Variants in UNC5C observed in about 807,000 individuals in gnomAD.
The protein encoded by UNC5C is netrin receptor UNC5C.
In UNC5C, 47 loss-of-function variants were observed where a neutral mutation model predicts 99.8. The ratio of observed to expected loss-of-function variants is 0.47; its 90% CI spans 0.37 to 0.60. The LOEUF is 0.60. Ranked by LOEUF, UNC5C falls within the 20% of genes least tolerant of loss-of-function variation. The pLI is 0.00. For synonymous variants in UNC5C, 487 were observed against 452.2 expected, an observed-to-expected ratio of 1.08 and a Z score of -0.98; for missense variants, 1,062 against 1,165.9, an observed-to-expected ratio of 0.91 and a Z score of 1.30.
chr4:95,199,606 T>A (rs1454925333), intron 12 of UNC5C, among the ~76,000 whole-genome samples: 1 of 152,228 alleles, frequency 6.6e-6, no homozygotes, highest in Non-Finnish European at 1.5e-5. Flanking sequence ...TCACTAATTA[T>A]AATAATCAGA....
chr4:95,468,951 C>T (rs1747882732), intron 1 of UNC5C, among the ~76,000 whole-genome samples: 2 of 152,144 alleles, frequency 1.3e-5, no homozygotes, highest in African/African-American at 2.4e-5. Flanking sequence ...GTTCTCTTTG[C>T]TCAGGCATTA....
At chr4:95,373,644 G>GT (rs1744809315) in intron 1 of UNC5C, among the ~76,000 whole-genome samples, 1 of 152,170 alleles carries the variant, frequency 6.6e-6, no homozygotes, top group Non-Finnish European at 1.5e-5. Flanking sequence ...CACTAGCACA[G>GT]CAACTGGCAC....
rs558341250 is a variant in UNC5C, at chr4:95,489,352, T to C, written c.124+59382A>G. On this transcript the variant is annotated intron_variant, in intron 1 of 15. Coordinates refer to ENST00000453304, the MANE Select transcript of UNC5C (RefSeq NM_003728.4). ...AATTAAGGCCAGTGGAACTCAGTGA[T>C]AGTGATTGCGGCAGAAGATGTGACC... Among the ~76,000 whole-genome samples the C allele has an allele frequency of 1.5e-4, 22 of 151,548 alleles. No homozygotes were observed. In the South Asian group the frequency reaches 4.0e-3, roughly 27 times the overall value.
intron 12 of UNC5C, among the ~76,000 whole-genome samples, chr4:95,191,285 T>C (rs1429303264): frequency 6.6e-6 from 1 of 152,182 alleles, no homozygotes; most frequent in East Asian, 1.9e-4. Flanking sequence ...TGGGCAAATT[T>C]CCATTAAGTA....
At chr4:95,348,425 A>G (rs779030648) in intron 1 of UNC5C, among the ~76,000 whole-genome samples, 1 of 151,608 alleles carries the variant, frequency 6.6e-6, no homozygotes, top group Non-Finnish European at 1.5e-5. Flanking sequence ...TACCCAAAAG[A>G]AAGGAAATCA....
intron 4 of UNC5C, among the ~76,000 whole-genome samples, chr4:95,274,378 C>T (rs931129846): frequency 2.0e-5 from 3 of 152,074 alleles, no homozygotes; most frequent in Admixed American, 2.0e-4. Flanking sequence ...AGTCTGCTCT[C>T]GTGCTAAGGA....
chr4:95,214,262 G>A (rs562990038), intron 10 of UNC5C, among the ~76,000 whole-genome samples: 14 of 152,244 alleles, frequency 9.2e-5, no homozygotes, highest in Admixed American at 8.5e-4. Flanking sequence ...TTTGTTTCTT[G>A]GTTCATGGTC....
chr4:95,535,354 G>A (rs1722747330), intron 1 of UNC5C, among the ~76,000 whole-genome samples: 2 of 152,076 alleles, frequency 1.3e-5, no homozygotes, highest in Admixed American at 6.6e-5. Flanking sequence ...TAACCCTAAT[G>A]GAATGCAATT....
chr4:95,213,352 A>G (rs1305559415), intron 10 of UNC5C, among the ~76,000 whole-genome samples: 2 of 152,222 alleles, frequency 1.3e-5, no homozygotes, highest in African/African-American at 4.8e-5. Flanking sequence ...AGCAGCATTA[A>G]TTGTGGAAAT....
Position 95,185,101 on chromosome 4 carries a change from T to C in UNC5C, c.2232A>G (p.Ser744=), listed in dbSNP as rs995262858. 1 of 1,614,010 alleles carries C rather than the reference T, an allele frequency of 6.2e-7. No individual in the cohort carries two copies. The highest frequency in any genetic ancestry group is 1.3e-5 in the African/African-American group (1 of 75,042). ...AGAGGGAATGGGCGATATCGTGAAT[T>C]GACAGGCGCAGGTTGTGGGTGCTGC... is the stretch of plus-strand genomic sequence containing the variant. The part of the protein sequence containing the change: ...FKGSTHNLRL[S]IHDIAHSLWK... Residue 744 remains serine, a synonymous_variant, in exon 13 of 16, where the codon TCA becomes TCG. Coordinates refer to ENST00000453304, the MANE Select transcript of UNC5C (RefSeq NM_003728.4).
chr4:95,439,234 TA>T (rs1272322536), intron 1 of UNC5C, among the ~76,000 whole-genome samples: 1 of 152,082 alleles, frequency 6.6e-6, no homozygotes, highest in Non-Finnish European at 1.5e-5. Flanking sequence ...AGATAAATAA[TA>T]AAACATCTCA....
At chr4:95,194,946 A>G (rs1737318548) in intron 12 of UNC5C, among the ~76,000 whole-genome samples, 1 of 152,164 alleles carries the variant, frequency 6.6e-6, no homozygotes, top group African/African-American at 2.4e-5. Flanking sequence ...TCATCAGAAG[A>G]TGATAAAAAT....
chr4:95,545,901 C>T, intron 1 of UNC5C, among the ~76,000 whole-genome samples: 1 of 152,142 alleles, frequency 6.6e-6, no homozygotes, highest in South Asian at 2.1e-4. Flanking sequence ...AGGGCATAGC[C>T]AGAAAGGAGA....
At chr4:95,546,824 T>G (rs1334058543) in intron 1 of UNC5C, among the ~76,000 whole-genome samples, 1 of 152,188 alleles carries the variant, frequency 6.6e-6, no homozygotes, top group East Asian at 1.9e-4. Flanking sequence ...CCCAGTCTTT[T>G]TAATTTGGTT....
intron 1 of UNC5C, among the ~76,000 whole-genome samples, chr4:95,341,207 ATTAT>A (rs10574919): frequency 0.17 from 26,551 of 152,038 alleles, 2,463 homozygotes; most frequent in African/African-American, 0.21. Context: ...CCACTGCAGC[ATTAT>A]TTGTCTAAAG....
chr4:95,206,694 G>C lies in UNC5C; in HGVS notation c.1836C>G (p.Cys612Trp). 1 of 1,614,102 alleles carries C rather than the reference G, an allele frequency of 6.2e-7. No individual in the cohort carries two copies. The highest frequency in any genetic ancestry group is 8.5e-7 in the Non-Finnish European group (1 of 1,180,024). Residue 612 changes from cysteine to tryptophan, a missense_variant, in exon 11 of 16, where the codon TGC (cysteine) becomes TGG (tryptophan). Physicochemically the swap from Cys to Trp is radical, Grantham distance 215. This residue lies in a region of UNC5C where 810 missense variants were observed against 854.5 expected (regional missense o/e 0.95). Transcript: ENST00000453304. ...TRPVVLTMHH[C>W]ADPNTEDWKI... Reference sequence around the variant, plus strand: ...TCCAGTCCTCGGTATTGGGGTCTGCGCAGTGATGCATAGTGAGGACGACTG... The same window carrying C: ...TCCAGTCCTCGGTATTGGGGTCTGCCCAGTGATGCATAGTGAGGACGACTG...
At chr4:95,225,537 A>G (rs1197105185) in intron 7 of UNC5C, among the ~76,000 whole-genome samples, 1 of 152,226 alleles carries the variant, frequency 6.6e-6, no homozygotes, top group African/African-American at 2.4e-5. Context: ...GGTGTATAAT[A>G]TAACTGATGA....
At chr4:95,481,181 G>A (rs1342959017) in intron 1 of UNC5C, among the ~76,000 whole-genome samples, 1 of 151,862 alleles carries the variant, frequency 6.6e-6, no homozygotes, top group Non-Finnish European at 1.5e-5. Flanking sequence ...CAAAATCAAT[G>A]TACAAAAATC....
At chr4:95,344,753 G>A (rs1286794343) in intron 1 of UNC5C, among the ~76,000 whole-genome samples, 2 of 152,018 alleles carry the variant, frequency 1.3e-5, no homozygotes, top group African/African-American at 2.4e-5. Context: ...GTTTATACAA[G>A]TCAGTGTTAA....
Sources: gnomAD v4.1 joint callset for allele counts (sites outside exome capture counted in the v4.1 genomes callset) on GRCh38, gnomAD v4.1.1 for gene constraint, gnomAD v4.1.1 regional missense constraint, MANE v1.5 for transcripts, NCBI Gene and HGNC (gene_info 2026-07-23, HGNC 2026-07-21) for gene names.